OAT: variants seen among roughly 807,000 people sequenced by gnomAD.
The protein encoded by OAT is ornithine aminotransferase, mitochondrial.
A neutral mutation model predicts 48.4 loss-of-function variants in OAT; 35 were observed. That is an observed-to-expected ratio of 0.72 (90% CI 0.55 to 0.96). The LOEUF (loss-of-function observed/expected upper bound fraction) is 0.96, where lower values mean the gene tolerates loss of function less well. OAT is among the 40% of genes least tolerant of loss of function. The pLI is 0.00. For synonymous variants in OAT, 182 were observed against 198.4 expected (o/e 0.92, Z 0.70); for missense variants, 438 against 537.9 (o/e 0.81, Z 1.84).
chr10:124,417,283 CTTTTTTTTT>C (rs59171918), intron 1 of OAT, among the ~76,000 whole-genome samples: 1 of 87,046 alleles, frequency 1.1e-5, no homozygotes, highest in South Asian at 3.4e-4. Context: ...AAACTATAAG[CTTTTTTTTT>C]TTTTTTTTTT....
intron 5 of OAT, among the ~76,000 whole-genome samples, chr10:124,404,318 A>G (rs542635789): frequency 4.0e-5 from 6 of 150,044 alleles, no homozygotes; most frequent in Middle Eastern, 3.4e-3. Flanking sequence ...CCCAGGCTGG[A>G]GTGCAGTGGC....
chr10:124,414,266 C>T (rs1325327074), intron 1 of OAT: 1 of 152,188 alleles, frequency 6.6e-6, no homozygotes, highest in Non-Finnish European at 1.5e-5. Flanking sequence ...TTAAACTTGG[C>T]ACTACCCAGT....
At position 124,403,335 on chromosome 10, in the gene OAT, T is replaced by C. The variant is rs951717431; in HGVS notation, c.772-280A>G. On this transcript the variant is annotated intron_variant, in intron 6 of 9. Transcript: ENST00000368845. ...TGCTGATGCAAAGGTGAGGGTTTTGTATGGCTTTTCTGGACCTAACTACCC... is the reference window on the plus strand; with the variant it reads ...TGCTGATGCAAAGGTGAGGGTTTTGCATGGCTTTTCTGGACCTAACTACCC... The C allele has an allele frequency of 1.2e-5, 6 of 519,020 alleles. No individual in the cohort carries two copies. In the Admixed American group the frequency reaches 1.7e-4, roughly 15 times the overall value. The allele number at this position is 519,020 out of a possible 1,614,324, so 32.2% of individuals were successfully genotyped here.
At chr10:124,407,226 A>T in intron 4 of OAT, 2 of 985,384 alleles carry the variant, frequency 2.0e-6, no homozygotes, top group Non-Finnish European at 2.4e-6. Flanking sequence ...ATTAGACCAT[A>T]AGCCTATTTG....
At chr10:124,412,756 C>T (rs1326452523) in intron 1 of OAT, among the ~76,000 whole-genome samples, 1 of 152,130 alleles carries the variant, frequency 6.6e-6, no homozygotes, top group Non-Finnish European at 1.5e-5. Flanking sequence ...CCAGCCTGGG[C>T]AACAGAGTGA....
chr10:124,401,656 G>A, intron 8 of OAT, 70 bp downstream of exon 8: 1 of 1,022,564 alleles, frequency 9.8e-7, no homozygotes, highest in Non-Finnish European at 1.5e-6. Context: ...TTATACCAGT[G>A]GGCCCAAATT....
intron 1 of OAT, among the ~76,000 whole-genome samples, chr10:124,418,364 C>G (rs1236040600): frequency 2.6e-5 from 4 of 152,192 alleles, no homozygotes; most frequent in Non-Finnish European, 5.9e-5. Context: ...GCACAGCTCC[C>G]CCGTCCCCAG....
chr10:124,413,479 T>A (rs1473187962), intron 1 of OAT, among the ~76,000 whole-genome samples: 1 of 151,938 alleles, frequency 6.6e-6, no homozygotes, highest in Non-Finnish European at 1.5e-5. Context: ...GAATCGGGAG[T>A]TCGAGACCAG....
intron 9 of OAT, among the ~76,000 whole-genome samples, chr10:124,399,420 A>C (rs995963234): frequency 5.9e-5 from 8 of 135,560 alleles, no homozygotes; most frequent in African/African-American, 2.2e-4. Flanking sequence ...ATCTCAGCTC[A>C]CTGCAAGCTC....
At chr10:124,403,229 T>C in intron 6 of OAT, 174 bp from the exon 7 acceptor site, 1 of 706,216 alleles carries the variant, frequency 1.4e-6, no homozygotes. Context: ...ATAAGAATCT[T>C]GTAGACTCAC....
intron 9 of OAT, among the ~76,000 whole-genome samples, chr10:124,399,451 T>C (rs559558885): frequency 2.7e-5 from 4 of 149,348 alleles, no homozygotes; most frequent in African/African-American, 9.8e-5. Context: ...GTTCAAGCGA[T>C]TCTCCTGCCT....
At chr10:124,406,971 T>G (rs747607844) in intron 4 of OAT, 32 of 985,248 alleles carry the variant, frequency 3.2e-5, no homozygotes, top group Non-Finnish European at 3.9e-5. Context: ...AAAGACACCA[T>G]GTAAAATAAC....
chr10:124,400,727 G>A (rs1279447454), intron 9 of OAT, 113 bp downstream of exon 9: 2 of 851,628 alleles, frequency 2.3e-6, no homozygotes, highest in Non-Finnish European at 3.6e-6. Flanking sequence ...TGCAGCCTAG[G>A]AGACAGAGCA....
rs143761520 is a variant in OAT, at chr10:124,401,122, A to G, written c.1015-138T>C. The G allele has an allele frequency of 5.6e-4, 358 of 635,190 alleles. 1 individual carries two copies. The African/African-American group carries it at 6.1e-3, about 11-fold the overall frequency. 39.3% of individuals were successfully genotyped at this position (635,190 alleles called of 1,614,324 possible). The stretch of plus-strand genomic sequence containing the variant: ...ACTTAACTTTCATTGCTATTTTTCA[A>G]AGCCTGTATTAGTTTCTAATTAAAC... On this transcript the variant is annotated intron_variant, in intron 8 of 9. Coordinates refer to ENST00000368845, the MANE Select transcript of OAT (RefSeq NM_000274.4).
At chr10:124,405,588 T>C in intron 4 of OAT, 25 bp from the exon 5 acceptor site, 1 of 1,612,684 alleles carries the variant, frequency 6.2e-7, no homozygotes, top group Non-Finnish European at 8.5e-7. Flanking sequence ...CAAACAGTGA[T>C]TATTTCAAAG....
At chr10:124,417,177 C>A (rs770239865) in intron 1 of OAT, among the ~76,000 whole-genome samples, 6 of 140,942 alleles carry the variant, frequency 4.3e-5, no homozygotes, top group Non-Finnish European at 9.1e-5. Flanking sequence ...GGAAAAATGT[C>A]TTTTAAAAAT....
intron 4 of OAT, chr10:124,405,821 A>G: frequency 2.4e-6 from 3 of 1,272,892 alleles, no homozygotes; most frequent in Non-Finnish European, 3.0e-6. Flanking sequence ...ACTGGAATAT[A>G]TAGCCCCTGA....
intron 4 of OAT, 170 bp from the exon 5 acceptor site, chr10:124,405,733 A>G (rs1054952895): frequency 1.4e-6 from 2 of 1,438,336 alleles, no homozygotes; most frequent in Non-Finnish European, 1.8e-6. Flanking sequence ...ATTAAACACC[A>G]TGGCTCCTAT....
In OAT at chr10:124,412,067, T is replaced by C. The variant is rs547221894; in HGVS notation, c.105A>G (p.Gln35=). 2 of 1,614,102 alleles carry C rather than the reference T, an allele frequency of 1.2e-6. No homozygotes were observed. The highest frequency in any genetic ancestry group is 1.7e-6 in the Non-Finnish European group (2 of 1,180,042). ...AAATGTCATCAGAGGTTGGAGGGCCTTGGACTGTTTTTTTAGTTGCAACAG... is the reference window on the plus strand; with the variant it reads ...AAATGTCATCAGAGGTTGGAGGGCCCTGGACTGTTTTTTTAGTTGCAACAG... ...ATSVATKKTV[Q]GPPTSDDIFE... Residue 35 remains glutamine (Q), a synonymous_variant, in exon 2 of 10, where the codon CAA becomes CAG. Transcript: ENST00000368845.
Sources: allele counts gnomAD v4.1 joint callset (sites outside exome capture counted in the v4.1 genomes callset), GRCh38; gene constraint gnomAD v4.1.1; transcripts MANE v1.5; gene names NCBI Gene and HGNC (gene_info 2026-07-23, HGNC 2026-07-21).